The following WDFY3 variants were observed in gnomAD, a reference collection of about 807,000 sequenced individuals.
The protein encoded by WDFY3 is WD repeat and FYVE domain-containing protein 3.
Under a neutral mutation model 409.6 loss-of-function variants are expected in WDFY3, and 66 were observed. That is an observed-to-expected ratio of 0.16 (90% CI 0.13 to 0.20). The LOEUF (loss-of-function observed/expected upper bound fraction) is 0.20. Ranked by LOEUF, WDFY3 falls within the 10% of genes least tolerant of loss-of-function variation. The probability of loss-of-function intolerance (pLI) is 1.00; values close to 1 mark genes in which losing one functional copy is unlikely to be tolerated. For missense variants in WDFY3, 3,031 were observed against 4,298.1 expected, an observed-to-expected ratio of 0.71 and a Z score of 8.24; for synonymous variants, 1,521 against 1,537.1, an observed-to-expected ratio of 0.99 and a Z score of 0.25.
At chr4:84,833,482 G>C (rs1290896838) in intron 7 of WDFY3, among the ~76,000 whole-genome samples, 1 of 151,946 alleles carries the variant, frequency 6.6e-6, no homozygotes, top group Non-Finnish European at 1.5e-5. Flanking sequence ...TTTGAGACCA[G>C]CCTGGGCAAC....
chr4:84,864,920 C>T (rs1359949499), intron 3 of WDFY3, among the ~76,000 whole-genome samples: 1 of 151,828 alleles, frequency 6.6e-6, no homozygotes, highest in Non-Finnish European at 1.5e-5. Context: ...CTGGTTCTCG[C>T]TCTAATACCC....
At chr4:84,957,192 T>C (rs573925096) in intron 1 of WDFY3, among the ~76,000 whole-genome samples, 1 of 149,950 alleles carries the variant, frequency 6.7e-6, no homozygotes, top group East Asian at 2.0e-4. Flanking sequence ...AATTACAGTT[T>C]AGTTGGTCAA....
chr4:84,723,758 T>C (rs1012844849), intron 46 of WDFY3, among the ~76,000 whole-genome samples: 1 of 152,196 alleles, frequency 6.6e-6, no homozygotes, highest in Admixed American at 6.5e-5. Context: ...GAGAAGACTT[T>C]AGAGAAGGAT....
chr4:84,905,291 A>T (rs1766894194), intron 2 of WDFY3, among the ~76,000 whole-genome samples: 1 of 152,180 alleles, frequency 6.6e-6, no homozygotes, highest in Non-Finnish European at 1.5e-5. Context: ...AGCCAAGATC[A>T]TGCCACTGCA....
chr4:84,756,310 C>T (rs1038711600), intron 33 of WDFY3, among the ~76,000 whole-genome samples: 2 of 152,220 alleles, frequency 1.3e-5, no homozygotes, highest in African/African-American at 2.4e-5. Flanking sequence ...ACAGGCTGGA[C>T]ACAGTGGCTC....
At chr4:84,771,427 C>G (rs1048643952) in intron 30 of WDFY3, among the ~76,000 whole-genome samples, 1 of 152,174 alleles carries the variant, frequency 6.6e-6, no homozygotes. Context: ...TGTAAGCCAC[C>G]ATGTTCAGCC....
At chr4:84,921,494 G>C (rs1446269424) in intron 2 of WDFY3, among the ~76,000 whole-genome samples, 3 of 151,860 alleles carry the variant, frequency 2.0e-5, no homozygotes, top group African/African-American at 7.2e-5. Context: ...TATTCCTAAT[G>C]AAATAGCAAG....
rs190168578 is a variant in WDFY3, at chr4:84,795,552, G to A, written c.3168-573C>T. Among the ~76,000 whole-genome samples the A allele has an allele frequency of 3.0e-3, 456 of 152,174 alleles. 7 individuals carry two copies. Among genetic ancestry groups the A allele is most frequent in the Non-Finnish European group, 1.3e-3 (86 of 67,990 alleles). On this transcript the variant is annotated intron_variant, in intron 19 of 67. Coordinates refer to ENST00000295888, the MANE Select transcript of WDFY3 (RefSeq NM_014991.6). Reference sequence around the variant, plus strand: ...TAAGGTGGGCAGATCACTTGAGGTCGGGAGTTCGAGACCAGCCTGGCCACT... The same window carrying A: ...TAAGGTGGGCAGATCACTTGAGGTCAGGAGTTCGAGACCAGCCTGGCCACT...
At chr4:84,809,053 T>A (rs1752024008) in intron 14 of WDFY3, 1 of 152,174 alleles carries the variant, frequency 6.6e-6, no homozygotes, top group Non-Finnish European at 1.5e-5. Context: ...TTCATTTATT[T>A]TATGTAGTAA....
At chr4:84,737,411 C>T in intron 40 of WDFY3, 45 bp from the exon 41 acceptor site, 1 of 1,510,074 alleles carries the variant, frequency 6.6e-7, no homozygotes, top group Non-Finnish European at 8.8e-7. Context: ...AGCAAATGAT[C>T]AAAACACAGT....
intron 4 of WDFY3, among the ~76,000 whole-genome samples, chr4:84,859,115 A>G (rs1029654825): frequency 9.2e-5 from 14 of 152,306 alleles, no homozygotes; most frequent in African/African-American, 3.4e-4. Flanking sequence ...AAGGGAAACC[A>G]AGAAACAAAG....
At chr4:84,916,060 T>C (rs1376419087) in intron 2 of WDFY3, among the ~76,000 whole-genome samples, 1 of 152,326 alleles carries the variant, frequency 6.6e-6, no homozygotes, top group South Asian at 2.1e-4. Context: ...ATCATAAAAA[T>C]ATCATGTTTT....
intron 62 of WDFY3, among the ~76,000 whole-genome samples, chr4:84,686,598 GTCAC>G (rs1728364211): frequency 2.6e-5 from 4 of 152,118 alleles, no homozygotes; most frequent in African/African-American, 9.7e-5. Context: ...TGGTGTGAAT[GTCAC>G]TCAATGACAT....
intron 45 of WDFY3, among the ~76,000 whole-genome samples, chr4:84,726,110 T>C (rs529400415): frequency 2.0e-5 from 3 of 152,066 alleles, no homozygotes; most frequent in Non-Finnish European, 2.9e-5. Flanking sequence ...TTCTTTTATG[T>C]GAGGTATTTT....
intron 50 of WDFY3, among the ~76,000 whole-genome samples, chr4:84,713,739 T>C (rs1387801064): frequency 1.3e-5 from 2 of 152,218 alleles, no homozygotes; most frequent in African/African-American, 4.8e-5. Context: ...CTCATCTACA[T>C]GGTTAGTTCA....
chr4:84,840,348 AAT>A (rs1297712804), intron 6 of WDFY3, among the ~76,000 whole-genome samples: 4 of 152,218 alleles, frequency 2.6e-5, no homozygotes, highest in Admixed American at 2.6e-4. Flanking sequence ...TAAAAATGTC[AAT>A]GTTTCCTTAT....
intron 1 of WDFY3, among the ~76,000 whole-genome samples, chr4:84,964,001 T>C (rs1313896207): frequency 6.6e-6 from 1 of 152,256 alleles, no homozygotes; most frequent in African/African-American, 2.4e-5. Context: ...TTTCCAAATA[T>C]GGAATATGTA....
In WDFY3 at chr4:84,715,312, G is replaced by T; in HGVS notation, c.7947C>A (p.Asn2649Lys). Residue 2649 changes from asparagine (N) to lysine (K), a missense_variant, in exon 50 of 68, where the codon AAC (asparagine) becomes AAA (lysine). Physicochemically the swap from Asn to Lys is moderately conservative, Grantham distance 94. Around this residue, in one of 16 missense-constraint regions of WDFY3, gnomAD observed 45 missense variants for 121.8 expected, o/e 0.37. Transcript: ENST00000295888. ...ATAAACAAGACCTTTGATAGACTTT[G>T]TTTCTGATTCCTTTCTGAAAAGCAA... is the stretch of plus-strand genomic sequence containing the variant. Reference protein sequence around the residue: ...YLLAFQKGIRNKVYQRFLAVV... With the variant: ...YLLAFQKGIRKKVYQRFLAVV... The T allele has an allele frequency of 1.9e-6, 3 of 1,604,182 alleles. No homozygotes were observed. Among genetic ancestry groups the T allele is most frequent in the Non-Finnish European group, 2.6e-6 (3 of 1,171,610 alleles).
In WDFY3 at chr4:84,683,475, T is replaced by C. The variant is rs183860369; in HGVS notation, c.9726+468A>G. On this transcript the variant is annotated intron_variant, in intron 63 of 67. Transcript: ENST00000295888. ...TGTAGAGTCCCAGCACATAGCAACC[T>C]AAGAAAAGGATAAACTACATCTAGG... is the stretch of plus-strand genomic sequence containing the variant. 1.1e-4 allele frequency among the ~76,000 whole-genome samples: 17 copies of C among 152,280 alleles called. 1 individual carries two copies. The East Asian group carries it at 3.3e-3, about 29-fold the overall frequency.
Sources: allele counts gnomAD v4.1 joint callset (sites outside exome capture counted in the v4.1 genomes callset), GRCh38; gene constraint gnomAD v4.1.1; regional missense constraint gnomAD v4.1.1; transcripts MANE v1.5; gene names NCBI Gene and HGNC (gene_info 2026-07-23, HGNC 2026-07-21).